TMC2: variants seen among roughly 807,000 people sequenced by gnomAD.
TMC2 encodes transmembrane channel-like protein 2.
In TMC2, 102 loss-of-function variants were observed where a neutral mutation model predicts 105.9. The observed-to-expected ratio is 0.96, with a 90% CI of 0.82 to 1.14. The LOEUF (loss-of-function observed/expected upper bound fraction) is 1.14, where lower values mean the gene tolerates loss of function less well. Ranked by LOEUF, TMC2 falls within the 50% of genes most tolerant of loss-of-function variation. The pLI is 0.00. For missense variants in TMC2, 1,093 were observed against 1,134.3 expected (o/e 0.96, Z 0.52); for synonymous variants, 402 against 422.8 (o/e 0.95, Z 0.60).
intron 4 of TMC2, among the ~76,000 whole-genome samples, chr20:2,570,224 T>C (rs576134422): frequency 1.7e-4 from 26 of 152,272 alleles, no homozygotes; most frequent in African/African-American, 5.8e-4. Context: ...GCTGATTATA[T>C]GATTCTCTAC....
intron 2 of TMC2, among the ~76,000 whole-genome samples, chr20:2,542,136 C>T (rs2085894066): frequency 6.6e-6 from 1 of 151,966 alleles, no homozygotes; most frequent in Non-Finnish European, 1.5e-5. Flanking sequence ...TGACAAAAGA[C>T]AGATCAACAA....
At position 2,536,641 on chromosome 20, in the gene TMC2, G is replaced by T. The variant is rs571855885; in HGVS notation, c.20G>T (p.Gly7Val). 126 of 1,575,680 alleles carry T rather than the reference G, an allele frequency of 8.0e-5. 1 individual carries two copies. The South Asian group carries it at 1.4e-3, about 18-fold the overall frequency. ...CTGACCATGAGCCACCAGGTAAAGG[G>T]CCTGAAAGAGGAAGGTGAGTCCACG... The part of the protein sequence containing the change: MSHQVK[G>V]LKEEARGGVK... Residue 7 changes from glycine to valine, a missense_variant, in exon 1 of 20, where the codon GGC becomes GTC. Coordinates refer to ENST00000358864, the MANE Select transcript of TMC2 (RefSeq NM_080751.3).
Position 2,597,151 on chromosome 20 carries a change from G to A in TMC2, c.1077G>A (p.Ser359=). 1 of 1,613,468 alleles carries A rather than the reference G, an allele frequency of 6.2e-7. No individual in the cohort carries two copies. The highest frequency in any genetic ancestry group is 8.5e-7 in the Non-Finnish European group (1 of 1,179,858). ...CACAACAGTGCTGTGTGCCCTACAG[G>A]ATGGCCAGCAATACCCAAGGAAGCA... ...FGYSLIIVIR[S]MASNTQGSTG... Residue 359 remains serine, a splice_region_variant and synonymous_variant, in exon 10 of 20, where the codon TCG becomes TCA. Coordinates refer to ENST00000358864, the MANE Select transcript of TMC2 (RefSeq NM_080751.3).
At chr20:2,543,038 A>C (rs1314823960) in intron 2 of TMC2, among the ~76,000 whole-genome samples, 2 of 152,012 alleles carry the variant, frequency 1.3e-5, no homozygotes, top group Non-Finnish European at 2.9e-5. Flanking sequence ...GGAGTTTGAG[A>C]CCAGCCTGGC....
Position 2,558,753 on chromosome 20 carries a change from C to A in TMC2, c.380C>A (p.Ser127Ter), listed in dbSNP as rs1448145756. The change falls in exon 3 of 20, where the codon TCG becomes TAG. Residue 127 changes from serine to a stop codon, truncating the protein, a stop_gained. Transcript: ENST00000358864. LOFTEE classifies it high-confidence loss of function. The surrounding 1 kb of genome is among the most constrained non-coding windows in gnomAD (Gnocchi z 4.6). ...GAGATTCCGAGGAGGGAGGAGAAGTCGAAGCGGCAGAAGAAACCCAGGTGT... is the reference window on the plus strand; with the variant it reads ...GAGATTCCGAGGAGGGAGGAGAAGTAGAAGCGGCAGAAGAAACCCAGGTGT... ...EKEIPRREEK[S>*]KRQKKPRSSS... 1 of 1,557,920 alleles carries A rather than the reference C, an allele frequency of 6.4e-7. No homozygotes were observed. The highest frequency in any genetic ancestry group is 8.7e-7 in the Non-Finnish European group (1 of 1,153,932).
In TMC2 at chr20:2,572,298, T is replaced by G; in HGVS notation, c.645+29T>G. ...TGTGGGGTGGGGGCAGTGAATCTGTTGGGAGGGCTTGCTCAGCTTTGGAAT... is the reference window on the plus strand; with the variant it reads ...TGTGGGGTGGGGGCAGTGAATCTGTGGGGAGGGCTTGCTCAGCTTTGGAAT... On this transcript the variant is annotated intron_variant, in intron 5 of 19. Coordinates refer to ENST00000358864, the MANE Select transcript of TMC2 (RefSeq NM_080751.3). 1.9e-6 allele frequency: 3 copies of G among 1,555,516 alleles called. 1 individual carries two copies. Among genetic ancestry groups the G allele is most frequent in the Non-Finnish European group, 2.7e-6 (3 of 1,128,006 alleles).
At chr20:2,606,346 A>C (rs1365758048) in intron 11 of TMC2, among the ~76,000 whole-genome samples, 1 of 152,014 alleles carries the variant, frequency 6.6e-6, no homozygotes, top group Non-Finnish European at 1.5e-5. Context: ...TGCAACCTCC[A>C]CCTCCTGGGT....
At chr20:2,568,501 G>C (rs1426630825) in intron 4 of TMC2, among the ~76,000 whole-genome samples, 2 of 152,188 alleles carry the variant, frequency 1.3e-5, no homozygotes, top group Non-Finnish European at 2.9e-5. Flanking sequence ...TCTGAACAGA[G>C]AGAAGAGAAG....
chr20:2,550,819 T>A (rs933299763), intron 2 of TMC2, among the ~76,000 whole-genome samples: 3 of 152,248 alleles, frequency 2.0e-5, no homozygotes, highest in Non-Finnish European at 2.9e-5. Flanking sequence ...CGCTTGAAAG[T>A]TCATTTCATC....
At chr20:2,627,423 C>G (rs1351032641) in intron 17 of TMC2, among the ~76,000 whole-genome samples, 2 of 152,210 alleles carry the variant, frequency 1.3e-5, no homozygotes, top group Non-Finnish European at 2.9e-5. Context: ...GCAATTTGTA[C>G]ACAGAGTTTG....
rs79477844 is a variant in TMC2, at chr20:2,643,322, C to G, written c.*1971C>G. On this transcript the variant is annotated 3_prime_UTR_variant, in exon 20 of 20. Transcript: ENST00000358864. ...CCCAAAGATGGCCACCACACCAACA[C>G]CTGGCCTTCTGCATCAGAATGCCAG... 0.023 allele frequency among the ~76,000 whole-genome samples: 3,542 copies of G among 152,280 alleles called. 134 individuals carry two copies. The highest frequency in any genetic ancestry group is 0.078 in the African/African-American group (3,227 of 41,520).
At chr20:2,551,874 C>G (rs2085958641) in intron 2 of TMC2, among the ~76,000 whole-genome samples, 1 of 152,130 alleles carries the variant, frequency 6.6e-6, no homozygotes, top group Non-Finnish European at 1.5e-5. Context: ...GATTACTGTA[C>G]CTTTATAGTG....
At chr20:2,547,776 C>T (rs1012556295) in intron 2 of TMC2, among the ~76,000 whole-genome samples, 15 of 152,118 alleles carry the variant, frequency 9.9e-5, no homozygotes, top group Non-Finnish European at 1.5e-4. Flanking sequence ...TAAAAACAAG[C>T]TTAGAAGGTA....
At position 2,551,269 on chromosome 20, in the gene TMC2, G is replaced by C. The variant is rs6106950; in HGVS notation, c.83-7187G>C. Among the ~76,000 whole-genome samples, 797 of 152,214 alleles carry C rather than the reference G, an allele frequency of 5.2e-3. 9 individuals are homozygous for C. Among genetic ancestry groups the C allele is most frequent in the African/African-American group, 0.018 (730 of 41,520 alleles). On this transcript the variant is annotated intron_variant, in intron 2 of 19. Transcript: ENST00000358864. ...TTACCATCTGTATACTTTCTTTGGTGAGATGTCTGCTCAGATCTTTTTTCC... is the reference window on the plus strand; with the variant it reads ...TTACCATCTGTATACTTTCTTTGGTCAGATGTCTGCTCAGATCTTTTTTCC...
At chr20:2,629,528 G>GAAAAAAAAAA (rs1600140938) in intron 17 of TMC2, among the ~76,000 whole-genome samples, 1 of 16,876 alleles carries the variant, frequency 5.9e-5, no homozygotes. Flanking sequence ...TCTTACAGAA[G>GAAAAAAAAAA]TAAAAAAAAA....
intron 12 of TMC2, among the ~76,000 whole-genome samples, chr20:2,611,558 G>T (rs1028345244): frequency 6.6e-6 from 1 of 152,132 alleles, no homozygotes. Context: ...CTGCCTCCCG[G>T]AAGTCTTCTG....
chr20:2,615,597 T>C (rs2086474642), intron 14 of TMC2, among the ~76,000 whole-genome samples: 1 of 152,150 alleles, frequency 6.6e-6, no homozygotes, highest in Non-Finnish European at 1.5e-5. Context: ...AGGCTGAAAA[T>C]ATGAACCAAG....
chr20:2,619,451 T>C (rs1392752859), intron 16 of TMC2, among the ~76,000 whole-genome samples: 1 of 152,124 alleles, frequency 6.6e-6, no homozygotes, highest in African/African-American at 2.4e-5. Flanking sequence ...ACTCTCAGAC[T>C]CAGGGTTAGT....
intron 13 of TMC2, 67 bp downstream of exon 13, chr20:2,612,407 T>C: frequency 7.2e-7 from 1 of 1,379,388 alleles, no homozygotes; most frequent in Non-Finnish European, 9.6e-7. Flanking sequence ...CTCCTTGATG[T>C]TTCCATTTGA....
Sources: allele counts gnomAD v4.1 joint callset (sites outside exome capture counted in the v4.1 genomes callset), GRCh38; gene constraint gnomAD v4.1.1; non-coding constraint Gnocchi (gnomAD v3.1); transcripts MANE v1.5; gene names NCBI Gene and HGNC (gene_info 2026-07-23, HGNC 2026-07-21).